C12orf54: variants seen among roughly 807,000 people sequenced by gnomAD.
The protein encoded by C12orf54 is uncharacterized protein C12orf54.
Under a neutral mutation model 26.4 loss-of-function variants are expected in C12orf54, and 24 were observed. That is an observed-to-expected ratio of 0.91 (90% confidence interval 0.66 to 1.28). The LOEUF (loss-of-function observed/expected upper bound fraction) is 1.28. C12orf54 is among the 50% of genes most tolerant of loss of function. The pLI, the probability that C12orf54 is intolerant of heterozygous loss-of-function variation, is 0.00. For missense variants in C12orf54, 154 were observed against 150.9 expected, an observed-to-expected ratio of 1.02 and a Z score of -0.11; for synonymous variants, 54 against 47.0, an observed-to-expected ratio of 1.15 and a Z score of -0.61.
At chr12:48,477,149 G>T in the C12orf54 span, among the ~76,000 whole-genome samples, 1 of 152,154 alleles carries the variant, frequency 6.6e-6, no homozygotes, top group South Asian at 2.1e-4. Flanking sequence ...AGTGACTACT[G>T]GGTAAATAAT....
At chr12:48,469,458 G>T in the C12orf54 span, among the ~76,000 whole-genome samples, 1 of 152,156 alleles carries the variant, frequency 6.6e-6, no homozygotes, top group Non-Finnish European at 1.5e-5. Context: ...TATCTCCCTT[G>T]TTCCCTGAAA....
At chr12:48,473,776 A>G in the C12orf54 span, among the ~76,000 whole-genome samples, 1 of 152,160 alleles carries the variant, frequency 6.6e-6, no homozygotes, top group African/African-American at 2.4e-5. Flanking sequence ...GGTTGGGTGG[A>G]AGTCCGCGGC....
At chr12:48,440,543 A>T in the C12orf54 span, among the ~76,000 whole-genome samples, 1 of 152,074 alleles carries the variant, frequency 6.6e-6, no homozygotes, top group African/African-American at 2.4e-5. Context: ...CTCTGCCATT[A>T]GCTCTCTCAT....
chr12:48,447,216 G>GTA, the C12orf54 span, among the ~76,000 whole-genome samples: 5 of 146,098 alleles, frequency 3.4e-5, no homozygotes, highest in Non-Finnish European at 7.5e-5. Flanking sequence ...CTTACTCTGT[G>GTA]TGTGTGTGTG....
intron 6 of C12orf54, among the ~76,000 whole-genome samples, chr12:48,491,804 C>A (rs1476576227): frequency 1.3e-5 from 2 of 152,152 alleles, no homozygotes; most frequent in Non-Finnish European, 2.9e-5. Context: ...AAAGAACTTA[C>A]AAATTGGGGC....
the C12orf54 span, among the ~76,000 whole-genome samples, chr12:48,462,116 G>T: frequency 2.4e-4 from 37 of 151,414 alleles, no homozygotes; most frequent in African/African-American, 7.2e-4. Context: ...TTTGAGAAAA[G>T]ATTTATTTTA....
rs765291270 is a variant in C12orf54 at position 48,483,316 on chromosome 12, A to C, written c.20A>C (p.Gln7Pro). 4 of 1,614,028 alleles carry C rather than the reference A, an allele frequency of 2.5e-6. No individual in the cohort carries two copies. The highest frequency in any genetic ancestry group is 3.3e-4 in the Middle Eastern group (2 of 6,060). ...GAACAAATGGCACAGCATCCCTGCC[A>C]GGATCAGGAACAAAAGGTAGAAATG... MAQHPC[Q>P]DQEQKVEMTS... Residue 7 changes from glutamine to proline, a missense_variant, in exon 2 of 9, where the codon CAG (glutamine) becomes CCG (proline). Transcript: ENST00000548364.
the C12orf54 span, among the ~76,000 whole-genome samples, chr12:48,435,202 G>C: frequency 6.6e-6 from 1 of 152,056 alleles, no homozygotes; most frequent in Non-Finnish European, 1.5e-5. Context: ...GTGAAGAGAA[G>C]TTTAGAGAAA....
At chr12:48,490,961 C>A in intron 6 of C12orf54, 125 bp downstream of exon 6, 1 of 1,193,500 alleles carries the variant, frequency 8.4e-7, no homozygotes, top group Non-Finnish European at 1.2e-6. Context: ...TGGAGTTCAT[C>A]CCAAAGTCTC....
chr12:48,453,481 G>C, the C12orf54 span, among the ~76,000 whole-genome samples: 1 of 148,300 alleles, frequency 6.7e-6, no homozygotes, highest in African/African-American at 2.5e-5. Context: ...TCCTGCACAT[G>C]TATCCCTGAA....
chr12:48,474,658 G>A, the C12orf54 span, among the ~76,000 whole-genome samples: 352 of 152,342 alleles, frequency 2.3e-3, 3 homozygotes, highest in African/African-American at 7.5e-3. Flanking sequence ...ACAGCAGTCC[G>A]AGATCAAACT....
At chr12:48,436,760 G>A in the C12orf54 span, among the ~76,000 whole-genome samples, 2 of 152,206 alleles carry the variant, frequency 1.3e-5, no homozygotes, top group Non-Finnish European at 1.5e-5. Context: ...AAAACAGTGT[G>A]TAGAGGGAAA....
chr12:48,456,244 ACT>A, the C12orf54 span, among the ~76,000 whole-genome samples: 1 of 152,192 alleles, frequency 6.6e-6, no homozygotes, highest in Non-Finnish European at 1.5e-5. Flanking sequence ...CCTTTAAGAC[ACT>A]CACACTGTAA....
chr12:48,470,222 T>G, the C12orf54 span, among the ~76,000 whole-genome samples: 1 of 152,232 alleles, frequency 6.6e-6, no homozygotes, highest in Non-Finnish European at 1.5e-5. Context: ...GTAATGGAAC[T>G]GGTGGATCAA....
At chr12:48,470,776 T>G in the C12orf54 span, among the ~76,000 whole-genome samples, 12 of 152,102 alleles carry the variant, frequency 7.9e-5, no homozygotes, top group Non-Finnish European at 1.3e-4. Flanking sequence ...CTAGGTTTTC[T>G]TCTAGAATTT....
the C12orf54 span, among the ~76,000 whole-genome samples, chr12:48,446,926 A>G: frequency 6.6e-6 from 1 of 152,202 alleles, no homozygotes; most frequent in Non-Finnish European, 1.5e-5. Context: ...AGTGACTCAA[A>G]AGATAGGTAA....
intron 2 of C12orf54, 128 bp downstream of exon 2, chr12:48,483,489 G>A: frequency 1.4e-6 from 1 of 708,432 alleles, no homozygotes; most frequent in Non-Finnish European, 2.3e-6. Flanking sequence ...ATAAGATGGG[G>A]ACTTTCATGT....
the C12orf54 span, among the ~76,000 whole-genome samples, chr12:48,419,115 C>T: frequency 1.3e-5 from 2 of 152,296 alleles, no homozygotes; most frequent in Non-Finnish European, 2.9e-5. Context: ...AATGTCCTCT[C>T]TTCTATCTCT....
chr12:48,486,546 G>T, intron 3 of C12orf54, 142 bp from the exon 4 acceptor site: 1 of 828,942 alleles, frequency 1.2e-6, no homozygotes. Flanking sequence ...GGAGACTTTT[G>T]GCTGCCTGAG....
Sources: gnomAD v4.1 joint callset for allele counts (sites outside exome capture counted in the v4.1 genomes callset) on GRCh38, gnomAD v4.1.1 for gene constraint, MANE v1.5 for transcripts, NCBI Gene and HGNC (gene_info 2026-07-23, HGNC 2026-07-21) for gene names.